The following KBTBD11 variants were observed in gnomAD, a reference collection of about 807,000 sequenced individuals.
KBTBD11 encodes the protein kelch repeat and BTB domain-containing protein 11.
For synonymous variants in KBTBD11, 747 were observed against 499.0 expected (o/e 1.50, Z -6.63); for missense variants, 1,390 against 1,001.8 (o/e 1.39, Z -5.23).
At chr8:1,982,837 G>C (rs1816584822) in intron 1 of KBTBD11, among the ~76,000 whole-genome samples, 1 of 151,754 alleles carries the variant, frequency 6.6e-6, no homozygotes, top group Non-Finnish European at 1.5e-5. Flanking sequence ...CCACCTCCCA[G>C]GTTTAAGCCT....
chr8:2,002,169 C>G lies in KBTBD11; in HGVS notation c.977C>G (p.Ala326Gly). Residue 326 changes from alanine to glycine, a missense_variant, in exon 2 of 2, where the codon GCC becomes GGC. Transcript: ENST00000320248. The surrounding 1 kb of genome is among the most constrained non-coding windows in gnomAD (Gnocchi z 4.1). ...GACGCGGACGCGCGCGGGGACGCGG[C>G]CGTCTACTGCTTCCACGCGGCGGCC... ...SGDADARGDA[A>G]VYCFHAAAGE... 8.2e-7 allele frequency: 1 copy of G among 1,219,178 alleles called. No homozygotes were observed. Among genetic ancestry groups the G allele is most frequent in the Non-Finnish European group, 1.0e-6 (1 of 982,048 alleles). 75.5% of individuals were successfully genotyped at this position (1,219,178 alleles called of 1,614,324 possible). A position where few individuals can be genotyped will look rare whatever the true frequency, so the allele number is the denominator to read the frequency against.
At chr8:1,994,936 A>G (rs371002656) in intron 1 of KBTBD11, among the ~76,000 whole-genome samples, 71 of 151,894 alleles carry the variant, frequency 4.7e-4, no homozygotes, top group African/African-American at 1.6e-3. Flanking sequence ...GTGGGTGCCT[A>G]TAATCCCAGC....
Position 2,002,785 on chromosome 8 carries a change from C to T in KBTBD11, c.1593C>T (p.Ala531=), listed in dbSNP as rs982380130. The change falls in exon 2 of 2, where the codon GCC becomes GCT. Residue 531 remains alanine (A), a synonymous_variant. Transcript: ENST00000320248. This position sits in a 1 kb window ranked among gnomAD's most constrained non-coding sequence, Gnocchi z 4.1. The part of the protein sequence containing the change: ...GVSVSRYHCL[A]KQWSPCVAPL... ...GCGTGTCCCGATACCACTGCCTGGCCAAGCAGTGGAGCCCGTGCGTCGCGC... is the reference window on the plus strand; with the variant it reads ...GCGTGTCCCGATACCACTGCCTGGCTAAGCAGTGGAGCCCGTGCGTCGCGC... 1.4e-6 allele frequency: 2 copies of T among 1,465,852 alleles called. No homozygotes were observed. Among genetic ancestry groups the T allele is most frequent in the East Asian group, 2.8e-5 (1 of 35,338 alleles). 90.8% of individuals were successfully genotyped at this position (1,465,852 alleles called of 1,614,324 possible).
chr8:1,978,619 C>T (rs940445732), intron 1 of KBTBD11, among the ~76,000 whole-genome samples: 3 of 152,192 alleles, frequency 2.0e-5, no homozygotes, highest in African/African-American at 7.2e-5. Flanking sequence ...GCGGGGAGGT[C>T]ATGTTGTGTT....
At chr8:1,987,232 A>C (rs575654937) in intron 1 of KBTBD11, among the ~76,000 whole-genome samples, 2 of 152,196 alleles carry the variant, frequency 1.3e-5, no homozygotes, top group Non-Finnish European at 2.9e-5. Context: ...TAAAATATAC[A>C]TAAATAGAAT....
intron 1 of KBTBD11, among the ~76,000 whole-genome samples, chr8:1,985,703 G>A (rs1816688271): frequency 6.6e-6 from 1 of 152,262 alleles, no homozygotes; most frequent in African/African-American, 2.4e-5. Context: ...TCATGCCTGT[G>A]AATCTCAGCG....
At chr8:1,993,530 C>G (rs1817010453) in intron 1 of KBTBD11, among the ~76,000 whole-genome samples, 1 of 38,060 alleles carries the variant, frequency 2.6e-5, no homozygotes. Flanking sequence ...CCCATCCATC[C>G]ACCCACCCAC....
chr8:1,993,532 C>T lies in KBTBD11; in HGVS notation c.-908-6753C>T, dbSNP rs13262197. On this transcript the variant is annotated intron_variant, in intron 1 of 1. Transcript: ENST00000320248. ...ATCCATCCATCCACCCATCCATCCA[C>T]CCACCCACCCACCCACCCACCCACC... 2.8e-3 allele frequency among the ~76,000 whole-genome samples: 90 copies of T among 31,850 alleles called. 1 individual carries two copies. Among genetic ancestry groups the T allele is most frequent in the Middle Eastern group, 0.018 (1 of 56 alleles). The allele number at this position is 31,850 out of a possible 152,430, so 20.9% of individuals were successfully genotyped here.
rs148473413 is a variant in KBTBD11, at chr8:1,981,370, G to A, written c.-909+7435G>A. On this transcript the variant is annotated intron_variant, in intron 1 of 1. Coordinates refer to ENST00000320248, the MANE Select transcript of KBTBD11 (RefSeq NM_014867.3). ...AAAAGTGTAAAATTCACTGGTAAAT[G>A]TAAGTACACGGTTGAATTCACAATA... 5.0e-3 allele frequency among the ~76,000 whole-genome samples: 769 copies of A among 152,350 alleles called. 5 individuals carry two copies. Among genetic ancestry groups the A allele is most frequent in the African/African-American group, 0.018 (732 of 41,588 alleles).
rs1255546402 is a variant in KBTBD11 at position 2,001,492 on chromosome 8, G to A, written c.300G>A (p.Pro100=). The change falls in exon 2 of 2, where the codon CCG becomes CCA. Residue 100 remains proline, a synonymous_variant. Transcript: ENST00000320248. ...CGTCCCCTGAGGAGCGCGCGTGCCC[G>A]GAAGAGCCCGCGGCGCCGTCCCCCG... ...ELASPEERAC[P]EEPAAPSPEP... 1.4e-6 allele frequency: 2 copies of A among 1,385,626 alleles called. No homozygotes were observed. Among genetic ancestry groups the A allele is most frequent in the South Asian group, 1.6e-5 (1 of 62,076 alleles). 85.8% of individuals were successfully genotyped at this position (1,385,626 alleles called of 1,614,324 possible).
intron 1 of KBTBD11, among the ~76,000 whole-genome samples, chr8:1,991,541 C>T (rs1276086534): frequency 6.6e-6 from 1 of 152,190 alleles, no homozygotes; most frequent in African/African-American, 2.4e-5. Flanking sequence ...TCGATTCCAG[C>T]TCTGTGATCC....
chr8:1,974,253 G>A, intron 1 of KBTBD11: 1 of 970,270 alleles, frequency 1.0e-6, no homozygotes, highest in Non-Finnish European at 1.2e-6. Context: ...GCCTCCTCGC[G>A]GGGTCTCCAC....
intron 1 of KBTBD11, chr8:1,974,584 G>C: frequency 3.0e-6 from 3 of 984,990 alleles, no homozygotes; most frequent in Non-Finnish European, 3.6e-6. Flanking sequence ...TGACCCCCGC[G>C]AGCCCCGAGC....
intron 1 of KBTBD11, among the ~76,000 whole-genome samples, chr8:1,995,008 G>A (rs764426710): frequency 1.4e-4 from 21 of 148,052 alleles, no homozygotes; most frequent in Non-Finnish European, 2.4e-4. Flanking sequence ...GCAGTGAGCC[G>A]AGATGGTGCC....
chr8:1,988,929 T>G (rs1020864610), intron 1 of KBTBD11, among the ~76,000 whole-genome samples: 1 of 150,928 alleles, frequency 6.6e-6, no homozygotes, highest in South Asian at 2.1e-4. Context: ...TTGTAGGATT[T>G]ATTCAGCCCA....
At chr8:1,982,471 T>TAA (rs971215764) in intron 1 of KBTBD11, among the ~76,000 whole-genome samples, 1 of 147,252 alleles carries the variant, frequency 6.8e-6, no homozygotes, top group Non-Finnish European at 1.5e-5. Flanking sequence ...ATGAATGGGT[T>TAA]AAAAAAACAT....
intron 1 of KBTBD11, among the ~76,000 whole-genome samples, chr8:1,985,160 G>T (rs1816669826): frequency 6.6e-6 from 1 of 152,236 alleles, no homozygotes; most frequent in Admixed American, 6.5e-5. Context: ...CCCAAAGAGG[G>T]TGGCCGATGG....
At position 2,002,201 on chromosome 8, in the gene KBTBD11, T is replaced by C. The variant is rs1817402175; in HGVS notation, c.1009T>C (p.Trp337Arg). ...VYCFHAAAGE[W>R]RELTRLPEGA... ...CTGCTTCCACGCGGCGGCCGGAGAG[T>C]GGCGCGAGCTGACGCGGCTGCCCGA... Residue 337 changes from tryptophan to arginine, a missense_variant, in exon 2 of 2, where the codon TGG becomes CGG. Transcript: ENST00000320248. This position sits in a 1 kb window ranked among gnomAD's most constrained non-coding sequence, Gnocchi z 4.1. 8 of 1,250,384 alleles carry C rather than the reference T, an allele frequency of 6.4e-6. No individual in the cohort carries two copies. Among genetic ancestry groups the C allele is most frequent in the South Asian group, 2.7e-5 (1 of 36,434 alleles). The allele number at this position is 1,250,384 out of a possible 1,614,324, so 77.5% of individuals were successfully genotyped here.
chr8:1,993,553 C>T (rs1817014655), intron 1 of KBTBD11, among the ~76,000 whole-genome samples: 1 of 99,072 alleles, frequency 1.0e-5, no homozygotes, highest in Non-Finnish European at 2.2e-5. Flanking sequence ...ACCCACCCAC[C>T]CACCCATCCA....
Sources: gnomAD v4.1 joint callset for allele counts (sites outside exome capture counted in the v4.1 genomes callset) on GRCh38, gnomAD v4.1.1 for gene constraint, Gnocchi (gnomAD v3.1) non-coding constraint, MANE v1.5 for transcripts, NCBI Gene and HGNC (gene_info 2026-07-23, HGNC 2026-07-21) for gene names.